Variants in IP6K1 observed in about 807,000 individuals in gnomAD.
IP6K1 encodes ATP:1D-myo-inositol-hexakisphosphate phosphotransferase.
IP6K1 carries 13 observed loss-of-function variants against 38.3 expected under a neutral mutation model. That is an observed-to-expected ratio of 0.34 (90% CI 0.22 to 0.54). The LOEUF is 0.54. Among genes scored for constraint, IP6K1 ranks in the 20% least tolerant of loss-of-function variants. The pLI is 0.92. For synonymous variants in IP6K1, 212 were observed against 229.9 expected, an observed-to-expected ratio of 0.92 and a Z score of 0.70; for missense variants, 397 against 599.8, an observed-to-expected ratio of 0.66 and a Z score of 3.53.
chr3:49,771,622 C>T (rs1386860175), intron 1 of IP6K1, among the ~76,000 whole-genome samples: 3 of 152,104 alleles, frequency 2.0e-5, no homozygotes, highest in African/African-American at 7.2e-5. Context: ...AATGGTACAA[C>T]CATTTTGGAA....
chr3:49,762,779 C>CT (rs61119101), intron 1 of IP6K1, among the ~76,000 whole-genome samples: 73 of 148,110 alleles, frequency 4.9e-4, no homozygotes, highest in African/African-American at 1.1e-3. Context: ...TCAATTATTG[C>CT]TTTTTTTTTT....
chr3:49,747,071 A>G (rs1334217491), intron 2 of IP6K1, among the ~76,000 whole-genome samples: 1 of 152,204 alleles, frequency 6.6e-6, no homozygotes, highest in Non-Finnish European at 1.5e-5. Flanking sequence ...TTTTTTTTAA[A>G]AAGTTAAGGA....
At chr3:49,743,282 TTACC>T (rs1472684245) in intron 2 of IP6K1, among the ~76,000 whole-genome samples, 2 of 102,602 alleles carry the variant, frequency 1.9e-5, no homozygotes, top group Non-Finnish European at 4.3e-5. Context: ...ACACACACAC[TTACC>T]TTTCAGCTGG....
At position 49,727,336 on chromosome 3, in the gene IP6K1, G is replaced by C. The variant is rs1169096711; in HGVS notation, c.1112C>G (p.Ser371Cys). The C allele has an allele frequency of 1.9e-5, 30 of 1,613,972 alleles. No individual in the cohort carries two copies. Among genetic ancestry groups the C allele is most frequent in the Non-Finnish European group, 2.5e-5 (30 of 1,180,030 alleles). Residue 371 changes from serine (S) to cysteine (C), a missense_variant, in exon 6 of 6, where the codon TCC (serine) becomes TGC (cysteine). Ser to Cys is a moderately radical substitution (Grantham distance 112). This residue lies in a region of IP6K1 where 164 missense variants were observed against 213.5 expected (regional missense o/e 0.77). Transcript: ENST00000321599. This position sits in a 1 kb window ranked among gnomAD's most constrained non-coding sequence, Gnocchi z 5.9. Reference sequence around the variant, plus strand: ...GCTGGGGCTGGTGCTGGGGCCACAGGATGACGCCACCTCAGGGAGCACCAT... The same window carrying C: ...GCTGGGGCTGGTGCTGGGGCCACAGCATGACGCCACCTCAGGGAGCACCAT... ...LDMVLPEVAS[S>C]CGPSTSPSNT...
At chr3:49,743,045 T>C (rs2108232589) in intron 2 of IP6K1, among the ~76,000 whole-genome samples, 1 of 151,942 alleles carries the variant, frequency 6.6e-6, no homozygotes, top group South Asian at 2.1e-4. Flanking sequence ...CTGACCAACA[T>C]GGTGAAACCC....
At chr3:49,775,563 A>G in intron 1 of IP6K1, 1 of 1,045,494 alleles carries the variant, frequency 9.6e-7, no homozygotes, top group Non-Finnish European at 1.4e-6. Flanking sequence ...GGGGAGCTCT[A>G]AGACAGACCT....
intron 1 of IP6K1, among the ~76,000 whole-genome samples, chr3:49,779,319 T>C (rs2081045430): frequency 6.6e-6 from 1 of 152,266 alleles, no homozygotes; most frequent in Non-Finnish European, 1.5e-5. Context: ...TCCTTTTTAT[T>C]GCAGAGTAAT....
chr3:49,734,636 A>G (rs2080590844), intron 3 of IP6K1, among the ~76,000 whole-genome samples: 1 of 152,124 alleles, frequency 6.6e-6, no homozygotes, highest in African/African-American at 2.4e-5. Context: ...CTGAAAGTAG[A>G]GGAGCCCACC....
chr3:49,754,702 T>C (rs570057389), intron 1 of IP6K1, among the ~76,000 whole-genome samples: 1 of 152,242 alleles, frequency 6.6e-6, no homozygotes, highest in South Asian at 2.1e-4. Context: ...TCAGATATAG[T>C]GGCGAACAAG....
chr3:49,775,826 T>C (rs556361023), intron 1 of IP6K1, among the ~76,000 whole-genome samples: 1 of 152,226 alleles, frequency 6.6e-6, no homozygotes, highest in South Asian at 2.1e-4. Flanking sequence ...GCACACTGTA[T>C]TGGAGAAAAA....
chr3:49,766,958 CAAAAAAAAAAAAAAA>C lies in IP6K1; in HGVS notation c.-128-18805_-128-18791del, dbSNP rs144308874. On this transcript the variant is annotated intron_variant, in intron 1 of 5. Transcript: ENST00000321599. The stretch of plus-strand genomic sequence containing the variant: ...GGGTGACAAGAGCAAGACTCCGTCT[CAAAAAAAAAAAAAAA>C]AAAAAAAAAAAAAAGAAAGAAATCC... 2.3e-3 allele frequency among the ~76,000 whole-genome samples: 126 copies of C among 55,426 alleles called. 1 individual carries two copies. The highest frequency in any genetic ancestry group is 9.4e-3 in the African/African-American group (120 of 12,802). 36.4% of individuals were successfully genotyped at this position (55,426 alleles called of 152,430 possible).
chr3:49,728,956 ATT>A (rs11433643), intron 4 of IP6K1, among the ~76,000 whole-genome samples: 8 of 143,312 alleles, frequency 5.6e-5, no homozygotes, highest in African/African-American at 5.1e-5. Context: ...GGCATGCCTA[ATT>A]TTTTTTTTTT....
rs1286135449 is a variant in IP6K1 at position 49,724,390 on chromosome 3, C to A, written c.*2732G>T. 1 of 152,252 alleles carries A rather than the reference C, an allele frequency of 6.6e-6. No homozygotes were observed. Among genetic ancestry groups the A allele is most frequent in the Non-Finnish European group, 1.5e-5 (1 of 68,054 alleles). The allele number at this position is 152,252 out of a possible 1,614,324, so 9.4% of individuals were successfully genotyped here. A position where few individuals can be genotyped will look rare whatever the true frequency, so the allele number is the denominator to read the frequency against. ...CAGAAAGGAGCGGGCTCGGACCGAGCACCCCCTCCCCCGCACGCAAGGTCC... is the reference window on the plus strand; with the variant it reads ...CAGAAAGGAGCGGGCTCGGACCGAGAACCCCCTCCCCCGCACGCAAGGTCC... On this transcript the variant is annotated 3_prime_UTR_variant, in exon 6 of 6. Coordinates refer to ENST00000321599, the MANE Select transcript of IP6K1 (RefSeq NM_153273.4).
At chr3:49,760,132 G>C (rs2080856028) in intron 1 of IP6K1, among the ~76,000 whole-genome samples, 1 of 152,102 alleles carries the variant, frequency 6.6e-6, no homozygotes, top group Admixed American at 6.6e-5. Context: ...CCAGCTTCAA[G>C]TGATCCTCCT....
At chr3:49,734,067 G>T (rs2080585118) in intron 3 of IP6K1, among the ~76,000 whole-genome samples, 1 of 152,150 alleles carries the variant, frequency 6.6e-6, no homozygotes, top group Non-Finnish European at 1.5e-5. Context: ...GAGCCCAGGG[G>T]GCTGAGGATG....
chr3:49,747,977 G>T lies in IP6K1; in HGVS notation c.64C>A (p.Arg22=), dbSNP rs1315320300. Residue 22 remains arginine, a synonymous_variant, in exon 2 of 6, where the codon CGG becomes AGG. Transcript: ENST00000321599. ...YGKNASRAGD[R]GVLLEPFIHQ... Reference sequence around the variant, plus strand: ...ATGAAGGGCTCCAGGAGGACTCCCCGGTCTCCAGCCCGACTTGCATTCTTG... The same window carrying T: ...ATGAAGGGCTCCAGGAGGACTCCCCTGTCTCCAGCCCGACTTGCATTCTTG... 1 of 1,613,898 alleles carries T rather than the reference G, an allele frequency of 6.2e-7. No individual in the cohort carries two copies. Among genetic ancestry groups the T allele is most frequent in the African/African-American group, 1.3e-5 (1 of 74,904 alleles).
chr3:49,748,110 A>AG lies in IP6K1; in HGVS notation c.-71dup, dbSNP rs2080739140. ...ATGGGCCACAAAAGGAGAGCTACAT[A>AG]GAAGGTCCTGGCCAGGTGAAAGCCA... On this transcript the variant is annotated 5_prime_UTR_variant, in exon 2 of 6. Transcript: ENST00000321599. The AG allele has an allele frequency of 1.3e-6, 2 of 1,542,938 alleles. No homozygotes were observed. Among genetic ancestry groups the AG allele is most frequent in the Non-Finnish European group, 1.8e-6 (2 of 1,120,106 alleles).
chr3:49,749,275 T>C (rs2080750989), intron 1 of IP6K1, among the ~76,000 whole-genome samples: 1 of 152,204 alleles, frequency 6.6e-6, no homozygotes, highest in Non-Finnish European at 1.5e-5. Flanking sequence ...CTACTTTAAA[T>C]CTATGGTTGT....
rs2081032970 is a variant in IP6K1, at chr3:49,777,974, G to T, written c.-129+8380C>A. Among the ~76,000 whole-genome samples the T allele has an allele frequency of 2.0e-5, 3 of 151,964 alleles. No homozygotes were observed. The South Asian group carries it at 6.2e-4, about 32-fold the overall frequency. On this transcript the variant is annotated intron_variant, in intron 1 of 5. Transcript: ENST00000321599. ...AAGGTCAAAGATCAGAGATCAGCTG[G>T]CCATTTCTGGTGTGCAGGGGATTTT...
Sources: allele counts gnomAD v4.1 joint callset (sites outside exome capture counted in the v4.1 genomes callset), GRCh38; gene constraint gnomAD v4.1.1; regional missense constraint gnomAD v4.1.1; non-coding constraint Gnocchi (gnomAD v3.1); transcripts MANE v1.5; gene names NCBI Gene and HGNC (gene_info 2026-07-23, HGNC 2026-07-21).